The following GALNTL6 variants were observed in gnomAD, a reference collection of about 807,000 sequenced individuals.
The protein encoded by GALNTL6 is polypeptide N-acetylgalactosaminyltransferase-like 6.
GALNTL6 carries 46 observed loss-of-function variants against 73.7 expected under a neutral mutation model. The observed-to-expected ratio is 0.62, with a 90% CI of 0.49 to 0.80. The LOEUF is 0.80. Ranked by LOEUF, GALNTL6 falls within the 30% of genes least tolerant of loss-of-function variation. The pLI is 0.00. For synonymous variants in GALNTL6, 259 were observed against 263.7 expected (o/e 0.98, Z 0.17); for missense variants, 604 against 755.0 (o/e 0.80, Z 2.34).
chr4:171,841,633 A>C (rs1387843645), intron 2 of GALNTL6, among the ~76,000 whole-genome samples: 2 of 152,086 alleles, frequency 1.3e-5, no homozygotes, highest in African/African-American at 4.8e-5. Flanking sequence ...CTATTCCTTT[A>C]GGAGGAAATA....
intron 7 of GALNTL6, among the ~76,000 whole-genome samples, chr4:172,829,705 C>A (rs564069960): frequency 2.0e-4 from 30 of 152,314 alleles, no homozygotes; most frequent in African/African-American, 6.7e-4. Flanking sequence ...TTTCTAACTT[C>A]CTGATGTACT....
At chr4:172,019,388 A>G (rs985631465) in intron 2 of GALNTL6, among the ~76,000 whole-genome samples, 1 of 151,988 alleles carries the variant, frequency 6.6e-6, no homozygotes, top group Non-Finnish European at 1.5e-5. Context: ...GAATGGATTA[A>G]AAAAAAGACC....
intron 5 of GALNTL6, among the ~76,000 whole-genome samples, chr4:172,459,133 T>G (rs1187774494): frequency 2.0e-5 from 3 of 152,322 alleles, no homozygotes; most frequent in South Asian, 4.1e-4. Context: ...TCTCAATAGA[T>G]GCAGAAAAGG....
At chr4:173,013,452 T>C (rs1289875504) in intron 11 of GALNTL6, among the ~76,000 whole-genome samples, 1 of 152,190 alleles carries the variant, frequency 6.6e-6, no homozygotes, top group Admixed American at 6.5e-5. Flanking sequence ...AATGAAATCT[T>C]CTCTGGCCTG....
chr4:172,388,198 G>A (rs1176462345), intron 5 of GALNTL6, among the ~76,000 whole-genome samples: 3 of 152,082 alleles, frequency 2.0e-5, no homozygotes, highest in African/African-American at 7.2e-5. Context: ...GAGCTCATGA[G>A]CTCAGCCACT....
At chr4:172,218,708 A>G (rs1736574223) in intron 2 of GALNTL6, among the ~76,000 whole-genome samples, 1 of 152,032 alleles carries the variant, frequency 6.6e-6, no homozygotes, top group Non-Finnish European at 1.5e-5. Context: ...CAAACTTTAT[A>G]TAGGATGGAG....
intron 2 of GALNTL6, among the ~76,000 whole-genome samples, chr4:171,969,946 T>A (rs1739512652): frequency 1.3e-5 from 2 of 152,168 alleles, no homozygotes; most frequent in Non-Finnish European, 2.9e-5. Context: ...TTTTTTTGTA[T>A]TTTTAGTAGA....
chr4:171,931,867 A>G (rs572971666), intron 2 of GALNTL6, among the ~76,000 whole-genome samples: 2 of 152,080 alleles, frequency 1.3e-5, no homozygotes, highest in Admixed American at 1.3e-4. Flanking sequence ...TAAAATCCTT[A>G]ATTCACATTT....
intron 7 of GALNTL6, among the ~76,000 whole-genome samples, chr4:172,834,282 A>G (rs968123405): frequency 1.3e-5 from 2 of 152,198 alleles, no homozygotes; most frequent in Admixed American, 1.3e-4. Flanking sequence ...GCTGAGAACC[A>G]TGAGAGCCCC....
At chr4:171,991,724 GTGTGTGTA>G (rs1424781413) in intron 2 of GALNTL6, among the ~76,000 whole-genome samples, 13 of 26,760 alleles carry the variant, frequency 4.9e-4, no homozygotes, top group Admixed American at 3.3e-3. Context: ...GTGTGTGTGT[GTGTGTGTA>G]TATATATATA....
intron 5 of GALNTL6, among the ~76,000 whole-genome samples, chr4:172,803,938 A>G (rs1740809785): frequency 6.6e-6 from 1 of 152,174 alleles, no homozygotes; most frequent in East Asian, 1.9e-4. Context: ...GTCAAATGCT[A>G]TCAAAAGGGA....
At chr4:173,019,993 T>G (rs1290291336) in intron 11 of GALNTL6, among the ~76,000 whole-genome samples, 1 of 152,248 alleles carries the variant, frequency 6.6e-6, no homozygotes, top group Non-Finnish European at 1.5e-5. Context: ...TTCTTTTATA[T>G]CCACAGGGTT....
intron 2 of GALNTL6, among the ~76,000 whole-genome samples, chr4:171,907,336 C>T (rs1228729607): frequency 1.3e-5 from 2 of 152,142 alleles, no homozygotes; most frequent in Non-Finnish European, 2.9e-5. Context: ...CACAAGCATT[C>T]TTATACACCA....
At chr4:172,312,089 C>T (rs1455994502) in intron 4 of GALNTL6, among the ~76,000 whole-genome samples, 1 of 152,076 alleles carries the variant, frequency 6.6e-6, no homozygotes, top group Non-Finnish European at 1.5e-5. Context: ...TTAGAGCTAC[C>T]AGAACTGTCT....
At chr4:172,054,672 A>C (rs1475412348) in intron 2 of GALNTL6, among the ~76,000 whole-genome samples, 1 of 152,192 alleles carries the variant, frequency 6.6e-6, no homozygotes, top group African/African-American at 2.4e-5. Flanking sequence ...CAAATATTAT[A>C]ACATTGAGGG....
At chr4:172,140,767 G>T (rs1027218143) in intron 2 of GALNTL6, among the ~76,000 whole-genome samples, 7 of 151,980 alleles carry the variant, frequency 4.6e-5, no homozygotes, top group Non-Finnish European at 8.8e-5. Context: ...AAATTGAATC[G>T]AGAGCAAAGA....
At chr4:172,752,220 G>C (rs1221993737) in intron 5 of GALNTL6, among the ~76,000 whole-genome samples, 1 of 151,920 alleles carries the variant, frequency 6.6e-6, no homozygotes, top group Non-Finnish European at 1.5e-5. Context: ...CCTGTTGTGA[G>C]AACAACTAAT....
At chr4:173,022,286 C>T (rs72708764) in intron 12 of GALNTL6, among the ~76,000 whole-genome samples, 12,035 of 151,182 alleles carry the variant, frequency 0.08, 968 homozygotes, top group African/African-American at 0.2. Flanking sequence ...CTGGAGATCA[C>T]CAGCAAAGGT....
At chr4:172,231,252 T>A (rs1321866010) in intron 3 of GALNTL6, among the ~76,000 whole-genome samples, 2 of 152,142 alleles carry the variant, frequency 1.3e-5, no homozygotes, top group Non-Finnish European at 2.9e-5. Context: ...GATGCTGAAG[T>A]TTTTTGGAAA....
Sources: gnomAD v4.1 joint callset for allele counts (sites outside exome capture counted in the v4.1 genomes callset) on GRCh38, gnomAD v4.1.1 for gene constraint, MANE v1.5 for transcripts, NCBI Gene and HGNC (gene_info 2026-07-23, HGNC 2026-07-21) for gene names.